Variants in NALF1 observed in about 807,000 individuals in gnomAD.
NALF1 encodes the protein family with sequence similarity 155 member A.
NALF1 carries 3 observed loss-of-function variants against 48.4 expected under a neutral mutation model. That is an observed-to-expected ratio of 0.06 (90% confidence interval 0.03 to 0.16). NALF1 has a LOEUF of 0.16. NALF1 is among the 10% of genes least tolerant of loss of function. NALF1 has a pLI of 1.00. For missense variants in NALF1, 526 were observed against 571.5 expected (o/e 0.92, Z 0.81); for synonymous variants, 262 against 245.7 (o/e 1.07, Z -0.62).
intron 1 of NALF1, among the ~76,000 whole-genome samples, chr13:107,826,158 G>A (rs1281549631): frequency 6.6e-6 from 1 of 152,232 alleles, no homozygotes; most frequent in Non-Finnish European, 1.5e-5. Context: ...CTGAAGCCTG[G>A]AGAAGAATAT....
chr13:107,708,512 A>C (rs1197750703), intron 1 of NALF1, among the ~76,000 whole-genome samples: 3 of 129,500 alleles, frequency 2.3e-5, no homozygotes, highest in African/African-American at 8.3e-5. Flanking sequence ...TTAATAAAAG[A>C]CAAGCTGTAA....
At chr13:107,595,054 C>G (rs1214542772) in intron 1 of NALF1, among the ~76,000 whole-genome samples, 1 of 151,982 alleles carries the variant, frequency 6.6e-6, no homozygotes, top group African/African-American at 2.4e-5. Context: ...TTTTAGCATG[C>G]ATACAGATAC....
chr13:107,456,251 C>T (rs541547604), intron 1 of NALF1, among the ~76,000 whole-genome samples: 1 of 152,260 alleles, frequency 6.6e-6, no homozygotes, highest in South Asian at 2.1e-4. Flanking sequence ...TAGAACACAA[C>T]TTATTATTTT....
intron 1 of NALF1, among the ~76,000 whole-genome samples, chr13:107,613,798 A>G (rs1346370104): frequency 6.6e-6 from 1 of 152,234 alleles, no homozygotes; most frequent in Non-Finnish European, 1.5e-5. Flanking sequence ...GAAACAACAT[A>G]GAATGTAGAA....
intron 1 of NALF1, among the ~76,000 whole-genome samples, chr13:107,563,872 A>T (rs1278924088): frequency 1.3e-5 from 2 of 152,226 alleles, no homozygotes; most frequent in Non-Finnish European, 2.9e-5. Context: ...AAAAAGCATA[A>T]ATTAATCCAC....
At chr13:107,485,817 A>C (rs535805418) in intron 1 of NALF1, among the ~76,000 whole-genome samples, 6 of 152,326 alleles carry the variant, frequency 3.9e-5, no homozygotes, top group African/African-American at 1.4e-4. Flanking sequence ...GTCTTTGTTT[A>C]GGTGGCTTTT....
At chr13:107,486,301 A>C (rs1328207145) in intron 1 of NALF1, among the ~76,000 whole-genome samples, 1 of 152,164 alleles carries the variant, frequency 6.6e-6, no homozygotes, top group Admixed American at 6.6e-5. Context: ...GTCGATATGT[A>C]CCAGACTCAT....
At chr13:107,671,584 T>C (rs1880992402) in intron 1 of NALF1, among the ~76,000 whole-genome samples, 1 of 152,136 alleles carries the variant, frequency 6.6e-6, no homozygotes, top group Non-Finnish European at 1.5e-5. Flanking sequence ...AAAAGACTGA[T>C]GAACGTTACA....
At chr13:107,662,806 T>A (rs181453131) in intron 1 of NALF1, among the ~76,000 whole-genome samples, 291 of 152,310 alleles carry the variant, frequency 1.9e-3, no homozygotes, top group Admixed American at 4.6e-3. Flanking sequence ...AAAGACACTC[T>A]CGTTTTACAG....
At chr13:107,388,218 A>AT (rs756110782) in intron 1 of NALF1, among the ~76,000 whole-genome samples, 83 of 152,280 alleles carry the variant, frequency 5.5e-4, no homozygotes, top group Non-Finnish European at 9.8e-4. Flanking sequence ...CTCAAAAGAG[A>AT]TTTTTTCCAA....
intron 1 of NALF1, among the ~76,000 whole-genome samples, chr13:107,569,441 C>T (rs1877918186): frequency 6.6e-6 from 1 of 151,642 alleles, no homozygotes; most frequent in African/African-American, 2.4e-5. Context: ...CACCGCACTC[C>T]AGCCTGGGCG....
At chr13:107,412,066 G>A (rs549328717) in intron 1 of NALF1, among the ~76,000 whole-genome samples, 3 of 152,176 alleles carry the variant, frequency 2.0e-5, no homozygotes, top group East Asian at 3.9e-4. Context: ...CTCAGCTTAT[G>A]AGTGTATGTT....
chr13:107,860,735 C>T (rs1466602242), intron 1 of NALF1, among the ~76,000 whole-genome samples: 1 of 152,186 alleles, frequency 6.6e-6, no homozygotes, highest in African/African-American at 2.4e-5. Context: ...AGCAATAGTT[C>T]ACATCATTCA....
chr13:107,225,807 C>T (rs1484687562), intron 1 of NALF1, among the ~76,000 whole-genome samples: 2 of 152,058 alleles, frequency 1.3e-5, no homozygotes, highest in East Asian at 1.9e-4. Context: ...GCCATACTCT[C>T]GCCATATGCA....
At chr13:107,816,324 G>C (rs1004016081) in intron 1 of NALF1, among the ~76,000 whole-genome samples, 1 of 152,176 alleles carries the variant, frequency 6.6e-6, no homozygotes, top group Admixed American at 6.5e-5. Flanking sequence ...ACGAGGCTGC[G>C]AAGAAAAATA....
intron 1 of NALF1, among the ~76,000 whole-genome samples, chr13:107,558,860 C>G (rs937100129): frequency 9.9e-5 from 15 of 152,088 alleles, no homozygotes; most frequent in African/African-American, 3.6e-4. Flanking sequence ...TCCTCTTGAG[C>G]TGGGACATCC....
At chr13:107,447,668 A>G (rs1884672739) in intron 1 of NALF1, among the ~76,000 whole-genome samples, 1 of 134,258 alleles carries the variant, frequency 7.4e-6, no homozygotes, top group African/African-American at 2.8e-5. Context: ...GGAAGTGGCA[A>G]TGGATCACTG....
rs1284138263 is a variant in NALF1 at position 107,167,353 on chromosome 13, G to A, written c.*3144C>T. 3 of 152,214 alleles carry A rather than the reference G, an allele frequency of 2.0e-5. No homozygotes were observed. The highest frequency in any genetic ancestry group is 4.8e-5 in the African/African-American group (2 of 41,446). The allele number at this position is 152,214 out of a possible 1,614,324, so 9.4% of individuals were successfully genotyped here. On this transcript the variant is annotated 3_prime_UTR_variant, in exon 3 of 3. Coordinates refer to ENST00000375915, the MANE Select transcript of NALF1 (RefSeq NM_001080396.3). ...CACAACCTTAAGCATGCTCAAGTGT[G>A]TGCCAGGAAAACTACTACAAAGAAT...
intron 1 of NALF1, among the ~76,000 whole-genome samples, chr13:107,355,546 C>T (rs544449550): frequency 6.6e-5 from 10 of 152,052 alleles, no homozygotes; most frequent in East Asian, 5.8e-4. Flanking sequence ...AGGGACCTGG[C>T]GGGGGGTGAG....
Sources: allele counts gnomAD v4.1 joint callset (sites outside exome capture counted in the v4.1 genomes callset), GRCh38; gene constraint gnomAD v4.1.1; transcripts MANE v1.5; gene names NCBI Gene and HGNC (gene_info 2026-07-23, HGNC 2026-07-21).